ABCC5: variants seen among roughly 807,000 people sequenced by gnomAD.
The protein encoded by ABCC5 is ATP-binding cassette sub-family C member 5.
A neutral mutation model predicts 160.9 loss-of-function variants in ABCC5; 61 were observed. The observed-to-expected ratio is 0.38, with a 90% CI of 0.31 to 0.47. The LOEUF (loss-of-function observed/expected upper bound fraction) is 0.47, where lower values mean the gene tolerates loss of function less well. Ranked by LOEUF, ABCC5 falls within the 20% of genes least tolerant of loss-of-function variation. The pLI is 0.99. For synonymous variants in ABCC5, 666 were observed against 700.6 expected (o/e 0.95, Z 0.78); for missense variants, 1,308 against 1,813.3 (o/e 0.72, Z 5.06).
At chr3:184,010,745 T>C (rs1193987587) in intron 2 of ABCC5, 3 of 152,222 alleles carry the variant, frequency 2.0e-5, no homozygotes, top group African/African-American at 7.2e-5. Context: ...ACTGATAATT[T>C]TACCCATATG....
At chr3:183,967,352 C>G (rs899972105) in intron 12 of ABCC5, 1 of 268,434 alleles carries the variant, frequency 3.7e-6, no homozygotes, top group African/African-American at 2.2e-5. Context: ...GGCAGCGCTG[C>G]AGTGTAGGGT....
intron 27 of ABCC5, 134 bp downstream of exon 27, chr3:183,928,613 G>A (rs1044198551): frequency 1.4e-6 from 1 of 721,456 alleles, no homozygotes; most frequent in African/African-American, 1.8e-5. Flanking sequence ...TGAAAGACTT[G>A]GAGAGCCCTG....
rs1338927283 is a variant in ABCC5 at position 183,987,054 on chromosome 3, C to T, written c.591+716G>A. ...AGCTTACCCACATATGGAAAACGCA[C>T]AGTACAAGCAGTACTACTGCTCCGA... On this transcript the variant is annotated intron_variant, in intron 5 of 29. Coordinates refer to ENST00000334444, the MANE Select transcript of ABCC5 (RefSeq NM_005688.4). This position sits in a 1 kb window ranked among gnomAD's most constrained non-coding sequence, Gnocchi z 4.2. 5.3e-5 allele frequency: 8 copies of T among 152,318 alleles called. No individual in the cohort carries two copies. The highest frequency in any genetic ancestry group is 5.2e-4 in the Admixed American group (8 of 15,270). 9.4% of individuals were successfully genotyped at this position (152,318 alleles called of 1,614,324 possible). A position where few individuals can be genotyped will look rare whatever the true frequency, so the allele number is the denominator to read the frequency against.
chr3:183,932,529 C>T (rs1438211598), intron 26 of ABCC5, among the ~76,000 whole-genome samples: 1 of 152,164 alleles, frequency 6.6e-6, no homozygotes, highest in Non-Finnish European at 1.5e-5. Flanking sequence ...GTGACACACG[C>T]TTCAGGAGGC....
chr3:183,974,978 G>A (rs73179687), intron 10 of ABCC5, among the ~76,000 whole-genome samples: 1,577 of 152,310 alleles, frequency 0.01, 10 homozygotes, highest in Non-Finnish European at 0.016. Context: ...ACAAGACACA[G>A]GGTGAAAAGC....
At chr3:184,007,804 G>A (rs1341653659) in intron 2 of ABCC5, among the ~76,000 whole-genome samples, 4 of 152,120 alleles carry the variant, frequency 2.6e-5, no homozygotes, top group Admixed American at 2.6e-4. Context: ...TCTAGCCTGG[G>A]CTACAGAGTG....
At chr3:183,952,090 G>A in intron 18 of ABCC5, 87 bp from the exon 19 acceptor site, 1 of 1,469,924 alleles carries the variant, frequency 6.8e-7, no homozygotes. Context: ...CAAGGGCAGG[G>A]CAGGGTACAG....
rs982732445 is a variant in ABCC5, at chr3:183,957,847, C to T, written c.2482+1886G>A. On this transcript the variant is annotated intron_variant, in intron 17 of 29. Coordinates refer to ENST00000334444, the MANE Select transcript of ABCC5 (RefSeq NM_005688.4). ...ATATCACATCTGTTACATGCGGATCCGTGTGTATATCACATCTGTTACATG... is the reference window on the plus strand; with the variant it reads ...ATATCACATCTGTTACATGCGGATCTGTGTGTATATCACATCTGTTACATG... 2.5e-4 allele frequency among the ~76,000 whole-genome samples: 34 copies of T among 137,720 alleles called. 1 individual carries two copies. The highest frequency in any genetic ancestry group is 6.9e-4 in the African/African-American group (26 of 37,514). The allele number at this position is 137,720 out of a possible 152,430, so 90.3% of individuals were successfully genotyped here. A position where few individuals can be genotyped will look rare whatever the true frequency, so the allele number is the denominator to read the frequency against.
chr3:183,940,462 G>GAAAAAAAA (rs537025178), intron 25 of ABCC5, among the ~76,000 whole-genome samples: 15 of 64,610 alleles, frequency 2.3e-4, no homozygotes, highest in Admixed American at 3.7e-4. Flanking sequence ...TCTGTCTCAG[G>GAAAAAAAA]AAAAAAAAAA....
intron 17 of ABCC5, 36 bp downstream of exon 17, chr3:183,959,697 G>T: frequency 6.9e-7 from 1 of 1,456,078 alleles, no homozygotes; most frequent in Non-Finnish European, 9.5e-7. Flanking sequence ...GATAAACTTT[G>T]ATGACAAATC....
At chr3:183,997,958 T>A (rs993328069) in intron 2 of ABCC5, among the ~76,000 whole-genome samples, 3 of 152,084 alleles carry the variant, frequency 2.0e-5, no homozygotes, top group African/African-American at 7.2e-5. Flanking sequence ...CTAATTTTTT[T>A]ATTTTTTGTA....
chr3:183,922,630 T>C (rs1560462149), intron 29 of ABCC5, among the ~76,000 whole-genome samples: 1 of 152,188 alleles, frequency 6.6e-6, no homozygotes, highest in Non-Finnish European at 1.5e-5. Context: ...AGCAGAACCC[T>C]GAATGATACG....
At chr3:183,994,330 T>C (rs1024632959) in intron 2 of ABCC5, among the ~76,000 whole-genome samples, 1 of 152,184 alleles carries the variant, frequency 6.6e-6, no homozygotes, top group African/African-American at 2.4e-5. Flanking sequence ...TAGCAATGGA[T>C]GAGAAATCTA....
Position 183,982,331 on chromosome 3 carries a change from C to T in ABCC5, c.999+120G>A. 8.4e-7 allele frequency: 1 copy of T among 1,184,230 alleles called. No homozygotes were observed. The highest frequency in any genetic ancestry group is 2.7e-5 in the Admixed American group (1 of 36,394). 73.4% of individuals were successfully genotyped at this position (1,184,230 alleles called of 1,614,324 possible). ...AGCACTATCGAGCTCTAGATTGAACCTGCTTTGAGGAAATTTCCAATCAGA... is the reference window on the plus strand; with the variant it reads ...AGCACTATCGAGCTCTAGATTGAACTTGCTTTGAGGAAATTTCCAATCAGA... On this transcript the variant is annotated intron_variant, in intron 7 of 29. Transcript: ENST00000334444. This position sits in a 1 kb window ranked among gnomAD's most constrained non-coding sequence, Gnocchi z 5.2.
intron 2 of ABCC5, among the ~76,000 whole-genome samples, chr3:183,997,258 T>G (rs1436707201): frequency 6.6e-6 from 1 of 152,200 alleles, no homozygotes; most frequent in Non-Finnish European, 1.5e-5. Context: ...CAAACATGAA[T>G]TTTAGAAGAT....
At chr3:183,957,617 C>CTT (rs1560006377) in intron 17 of ABCC5, among the ~76,000 whole-genome samples, 16 of 151,800 alleles carry the variant, frequency 1.1e-4, no homozygotes, top group African/African-American at 2.4e-4. Context: ...CGGTTACATG[C>CTT]AGATCCATGT....
intron 2 of ABCC5, among the ~76,000 whole-genome samples, chr3:184,006,027 C>G (rs1420610777): frequency 6.6e-6 from 1 of 152,092 alleles, no homozygotes; most frequent in Admixed American, 6.6e-5. Flanking sequence ...CCTAGGAAAG[C>G]CGCGGCAGTC....
At chr3:183,977,152 C>G (rs972672742) in intron 10 of ABCC5, among the ~76,000 whole-genome samples, 1 of 152,166 alleles carries the variant, frequency 6.6e-6, no homozygotes, top group Non-Finnish European at 1.5e-5. Context: ...TAGCAAAGAT[C>G]AAGGGGAAGA....
At chr3:183,971,492 G>A (rs1403284586) in intron 11 of ABCC5, 71 bp downstream of exon 11, 1 of 1,419,670 alleles carries the variant, frequency 7.0e-7, no homozygotes, top group African/African-American at 1.4e-5. Context: ...AGGAACAGCA[G>A]CCGCCTATTG....
Sources: gnomAD v4.1 joint callset for allele counts (sites outside exome capture counted in the v4.1 genomes callset) on GRCh38, gnomAD v4.1.1 for gene constraint, Gnocchi (gnomAD v3.1) non-coding constraint, MANE v1.5 for transcripts, NCBI Gene and HGNC (gene_info 2026-07-23, HGNC 2026-07-21) for gene names.